Variants in CFAP61 observed in about 807,000 individuals in gnomAD.
The protein encoded by CFAP61 is cilia and flagella associated protein 61.
A neutral mutation model predicts 135.6 loss-of-function variants in CFAP61; 107 were observed. The observed-to-expected ratio is 0.79, with a 90% CI of 0.67 to 0.93. The LOEUF is 0.93. Among genes scored for constraint, CFAP61 ranks in the 40% least tolerant of loss-of-function variants. The probability of loss-of-function intolerance (pLI) is 0.00; values close to 1 mark genes in which losing one functional copy is unlikely to be tolerated. For missense variants in CFAP61, 1,507 were observed against 1,556.2 expected (o/e 0.97, Z 0.53); for synonymous variants, 575 against 578.5 (o/e 0.99, Z 0.09).
At chr20:20,137,066 G>T (rs751641511) in intron 8 of CFAP61, among the ~76,000 whole-genome samples, 23 of 152,174 alleles carry the variant, frequency 1.5e-4, no homozygotes, top group African/African-American at 4.3e-4. Context: ...GGATTACCAG[G>T]CAGAGACTCT....
At chr20:20,065,317 A>G (rs937178067) in intron 2 of CFAP61, among the ~76,000 whole-genome samples, 3 of 151,974 alleles carry the variant, frequency 2.0e-5, no homozygotes, top group Non-Finnish European at 2.9e-5. Context: ...ACCTGCATTC[A>G]ATCCACTCTT....
chr20:20,069,601 G>T, intron 2 of CFAP61: 2 of 366,268 alleles, frequency 5.5e-6, no homozygotes, highest in Non-Finnish European at 1.1e-5. Flanking sequence ...AAAAACACAC[G>T]ATGTACATTT....
chr20:20,302,679 G>C (rs746951111), intron 25 of CFAP61, among the ~76,000 whole-genome samples: 3 of 150,886 alleles, frequency 2.0e-5, no homozygotes, highest in Non-Finnish European at 4.4e-5. Context: ...AAAATAAAAA[G>C]TTAAGTAGGG....
intron 1 of CFAP61, among the ~76,000 whole-genome samples, chr20:20,053,197 C>T (rs1361954166): frequency 1.3e-5 from 2 of 152,170 alleles, no homozygotes; most frequent in South Asian, 4.1e-4. Flanking sequence ...TAATACTTAA[C>T]CTGCCCTCAA....
intron 25 of CFAP61, among the ~76,000 whole-genome samples, chr20:20,307,007 A>G (rs1183324587): frequency 6.6e-6 from 1 of 152,194 alleles, no homozygotes; most frequent in Non-Finnish European, 1.5e-5. Flanking sequence ...CAAGCTTTAC[A>G]AAAACAAAGA....
chr20:20,302,580 T>G (rs1457555961), intron 25 of CFAP61, among the ~76,000 whole-genome samples: 1 of 152,186 alleles, frequency 6.6e-6, no homozygotes, highest in African/African-American at 2.4e-5. Flanking sequence ...GAGAATCACT[T>G]GAACCTGAGA....
chr20:20,189,475 T>C (rs1183175267), intron 14 of CFAP61, among the ~76,000 whole-genome samples: 3 of 123,314 alleles, frequency 2.4e-5, no homozygotes, highest in Admixed American at 1.7e-4. Flanking sequence ...TAAGTACATA[T>C]GTACTTATGA....
intron 6 of CFAP61, chr20:20,085,436 G>T (rs185661514): frequency 6.6e-6 from 9 of 1,365,268 alleles, no homozygotes; most frequent in Non-Finnish European, 8.8e-6. Context: ...AGCAGAACAA[G>T]TTCCTCTTTA....
rs759788509 is a variant in CFAP61, at chr20:20,142,864, G to T, written c.867G>T (p.Glu289Asp). The change falls in exon 9 of 27, where the codon GAG becomes GAT. Residue 289 changes from glutamate to aspartate, a missense_variant. By Grantham distance (45) the Glu-to-Asp change is conservative. Coordinates refer to ENST00000245957, the MANE Select transcript of CFAP61 (RefSeq NM_015585.4). ...DLSVRRSQDAELRSSSQGSQK... is the reference protein window; with the variant it reads ...DLSVRRSQDADLRSSSQGSQK... The stretch of plus-strand genomic sequence containing the variant: ...CTATCCCTTCTCTCAAAGATGCTGA[G>T]CTCAGGAGTAGCAGCCAAGGTTCCC... 1.9e-6 allele frequency: 3 copies of T among 1,595,054 alleles called. No homozygotes were observed. The African/African-American group carries it at 4.0e-5, about 21-fold the overall frequency.
At chr20:20,289,170 A>G (rs1489234268) in intron 23 of CFAP61, among the ~76,000 whole-genome samples, 1 of 152,212 alleles carries the variant, frequency 6.6e-6, no homozygotes, top group Non-Finnish European at 1.5e-5. Context: ...CACATCCTAA[A>G]TGGGGTTCCC....
At chr20:20,065,206 C>T (rs756732458) in intron 2 of CFAP61, among the ~76,000 whole-genome samples, 6 of 152,032 alleles carry the variant, frequency 3.9e-5, no homozygotes, top group Admixed American at 2.6e-4. Flanking sequence ...CATCTGACAT[C>T]GATGACAGAA....
chr20:20,331,705 T>G (rs2424351), intron 25 of CFAP61, among the ~76,000 whole-genome samples: 81,496 of 152,014 alleles, frequency 0.54, 22,893 homozygotes, highest in African/African-American at 0.71. Flanking sequence ...CATTCTCTCT[T>G]GCTCCTTTGT....
intron 9 of CFAP61, among the ~76,000 whole-genome samples, chr20:20,157,589 T>C (rs1438279689): frequency 1.3e-5 from 2 of 152,178 alleles, no homozygotes; most frequent in Admixed American, 1.3e-4. Context: ...ACTCAATCCA[T>C]ACCTCACACC....
intron 2 of CFAP61, among the ~76,000 whole-genome samples, chr20:20,065,617 A>G (rs1007452152): frequency 2.7e-5 from 1 of 37,358 alleles, no homozygotes; most frequent in African/African-American, 6.7e-5. Context: ...AGACATTTTG[A>G]AAAAAAAAAA....
chr20:20,169,561 TATC>T, intron 13 of CFAP61, 101 bp downstream of exon 13: 5 of 1,041,934 alleles, frequency 4.8e-6, no homozygotes, highest in Non-Finnish European at 6.4e-6. Flanking sequence ...TTATTTTAAA[TATC>T]ATCTTTTATT....
chr20:20,359,386 A>C lies in CFAP61; in HGVS notation c.3514-824A>C, dbSNP rs1221808337. ...ATTTTTTTATTTTTAAAACAGAGGC[A>C]GGGCGTGGTGGCTCATGCCTGTAAT... is the stretch of plus-strand genomic sequence containing the variant. On this transcript the variant is annotated intron_variant, in intron 26 of 26. Coordinates refer to ENST00000245957, the MANE Select transcript of CFAP61 (RefSeq NM_015585.4). The surrounding 1 kb of genome is among the most constrained non-coding windows in gnomAD (Gnocchi z 4.0). 6.6e-6 allele frequency among the ~76,000 whole-genome samples: 1 copy of C among 152,082 alleles called. No individual in the cohort carries two copies. Among genetic ancestry groups the C allele is most frequent in the Non-Finnish European group, 1.5e-5 (1 of 68,016 alleles).
intron 8 of CFAP61, among the ~76,000 whole-genome samples, chr20:20,138,385 A>C (rs933907105): frequency 7.2e-5 from 11 of 152,178 alleles, no homozygotes; most frequent in African/African-American, 2.7e-4. Context: ...GGCTTGCCAG[A>C]ACTCAGGTTC....
In CFAP61 at chr20:20,288,950, C is replaced by G. The variant is rs1468368385; in HGVS notation, c.3124+14C>G. 1 of 1,587,130 alleles carries G rather than the reference C, an allele frequency of 6.3e-7. No individual in the cohort carries two copies. The highest frequency in any genetic ancestry group is 1.7e-5 in the Admixed American group (1 of 59,142). On this transcript the variant is annotated intron_variant, in intron 23 of 26. Transcript: ENST00000245957. ...CCAAGATTCAAGGTATACGAGTAGGCTTCCTTCTCCTTGATGAAGCCACAG... is the reference window on the plus strand; with the variant it reads ...CCAAGATTCAAGGTATACGAGTAGGGTTCCTTCTCCTTGATGAAGCCACAG...
chr20:20,211,158 A>T (rs2047603902), intron 17 of CFAP61, among the ~76,000 whole-genome samples: 1 of 152,210 alleles, frequency 6.6e-6, no homozygotes, highest in Admixed American at 6.5e-5. Context: ...ATCCAGAGGG[A>T]AAATGGCATT....
Sources: allele counts gnomAD v4.1 joint callset (sites outside exome capture counted in the v4.1 genomes callset), GRCh38; gene constraint gnomAD v4.1.1; non-coding constraint Gnocchi (gnomAD v3.1); transcripts MANE v1.5; gene names NCBI Gene and HGNC (gene_info 2026-07-23, HGNC 2026-07-21).